Variants in NSD3 observed in about 807,000 individuals in gnomAD.
NSD3 encodes nuclear receptor binding SET domain protein 3.
In NSD3, 24 loss-of-function variants were observed where a neutral mutation model predicts 160.8. The observed-to-expected ratio is 0.15, with a 90% CI of 0.11 to 0.21. The LOEUF (loss-of-function observed/expected upper bound fraction) is 0.21. Among genes scored for constraint, NSD3 ranks in the 10% least tolerant of loss-of-function variants. The probability of loss-of-function intolerance (pLI) is 1.00; values close to 1 mark genes in which losing one functional copy is unlikely to be tolerated. For missense variants in NSD3, 1,157 were observed against 1,735.9 expected, an observed-to-expected ratio of 0.67 and a Z score of 5.93; for synonymous variants, 520 against 600.0, an observed-to-expected ratio of 0.87 and a Z score of 1.95.
rs1165926439 is a variant in NSD3 at position 38,338,415 on chromosome 8, T to C, written c.747+121A>G. On this transcript the variant is annotated intron_variant, in intron 3 of 23. Coordinates refer to ENST00000317025, the MANE Select transcript of NSD3 (RefSeq NM_023034.2). Reference sequence around the variant, plus strand: ...CCTATCAAACCAGCTCCAAGACTTATTTCAATATAATTTCTGAAATTAAGA... The same window carrying C: ...CCTATCAAACCAGCTCCAAGACTTACTTCAATATAATTTCTGAAATTAAGA... The C allele has an allele frequency of 3.7e-6, 3 of 801,732 alleles. No homozygotes were observed. In the East Asian group the frequency reaches 7.4e-5, roughly 20 times the overall value. The allele number at this position is 801,732 out of a possible 1,614,324, so 49.7% of individuals were successfully genotyped here. A position where few individuals can be genotyped will look rare whatever the true frequency, so the allele number is the denominator to read the frequency against.
intron 23 of NSD3, 113 bp from the exon 24 acceptor site, chr8:38,275,995 G>A: frequency 7.3e-6 from 7 of 958,578 alleles, no homozygotes; most frequent in Non-Finnish European, 1.1e-5. Flanking sequence ...GAATTCAATT[G>A]AATACAACTC....
intron 15 of NSD3, among the ~76,000 whole-genome samples, chr8:38,297,256 A>G (rs929677141): frequency 6.6e-6 from 1 of 152,234 alleles, no homozygotes; most frequent in African/African-American, 2.4e-5. Context: ...CTGGATTGAG[A>G]CCAAAACAGG....
At chr8:38,356,575 G>C (rs1392375642) in intron 1 of NSD3, among the ~76,000 whole-genome samples, 1 of 152,060 alleles carries the variant, frequency 6.6e-6, no homozygotes, top group Non-Finnish European at 1.5e-5. Context: ...GAGCAAGAGG[G>C]AGAAAGAAAG....
At chr8:38,330,478 C>T (rs905628149) in intron 5 of NSD3, among the ~76,000 whole-genome samples, 8 of 152,144 alleles carry the variant, frequency 5.3e-5, no homozygotes, top group African/African-American at 1.4e-4. Flanking sequence ...TTCCATAGGT[C>T]TCTAGGTCCA....
At chr8:38,350,128 T>C (rs576269672) in intron 1 of NSD3, among the ~76,000 whole-genome samples, 77 of 152,328 alleles carry the variant, frequency 5.1e-4, no homozygotes, top group African/African-American at 1.8e-3. Context: ...CTATTGTGAG[T>C]ACTGCCGCGA....
intron 14 of NSD3, among the ~76,000 whole-genome samples, chr8:38,302,172 G>A (rs1270669864): frequency 6.6e-6 from 1 of 152,170 alleles, no homozygotes; most frequent in Non-Finnish European, 1.5e-5. Context: ...AAATCTATGT[G>A]GAGGGAAAAA....
intron 14 of NSD3, among the ~76,000 whole-genome samples, chr8:38,301,544 C>T (rs1251966969): frequency 6.6e-6 from 1 of 152,086 alleles, no homozygotes; most frequent in Non-Finnish European, 1.5e-5. Context: ...TGCACCATTG[C>T]ACTCCAGCCT....
At position 38,316,785 on chromosome 8, in the gene NSD3, A is replaced by G; in HGVS notation, c.1856-743T>C. 9.4e-7 allele frequency: 1 copy of G among 1,060,648 alleles called. No homozygotes were observed. The highest frequency in any genetic ancestry group is 4.6e-5 in the South Asian group (1 of 21,936). The allele number at this position is 1,060,648 out of a possible 1,614,324, so 65.7% of individuals were successfully genotyped here. On this transcript the variant is annotated intron_variant, in intron 9 of 23. Transcript: ENST00000317025. The surrounding 1 kb of genome is among the most constrained non-coding windows in gnomAD (Gnocchi z 4.5). ...GTGCGGGAAGAAATAAATAGGAAAAAAAAGGCAGAGAATAGTGTGGAATTG... is the reference window on the plus strand; with the variant it reads ...GTGCGGGAAGAAATAAATAGGAAAAGAAAGGCAGAGAATAGTGTGGAATTG...
At chr8:38,299,304 G>T in intron 15 of NSD3, 140 bp downstream of exon 15, 1 of 812,618 alleles carries the variant, frequency 1.2e-6, no homozygotes, top group East Asian at 2.9e-5. Flanking sequence ...GCCATATGAA[G>T]AAACAGTCAC....
intron 1 of NSD3, among the ~76,000 whole-genome samples, chr8:38,360,987 A>C (rs1253510747): frequency 6.6e-6 from 1 of 152,246 alleles, no homozygotes; most frequent in Non-Finnish European, 1.5e-5. Context: ...ATAACGAAGC[A>C]AAAGCATAAG....
At chr8:38,290,128 A>C (rs916232741) in intron 17 of NSD3, among the ~76,000 whole-genome samples, 9 of 151,952 alleles carry the variant, frequency 5.9e-5, no homozygotes, top group African/African-American at 1.7e-4. Flanking sequence ...AGGCAAGAGG[A>C]TCACTTGAGC....
In NSD3 at chr8:38,329,866, G is replaced by A; in HGVS notation, c.1093C>T (p.Arg365Cys). The A allele has an allele frequency of 6.2e-7, 1 of 1,600,624 alleles. No homozygotes were observed. Among genetic ancestry groups the A allele is most frequent in the Non-Finnish European group, 8.5e-7 (1 of 1,173,714 alleles). The change falls in exon 6 of 24, where the codon CGT (arginine) becomes TGT (cysteine). Residue 365 changes from arginine to cysteine, a missense_variant. Around this residue, in one of 10 missense-constraint regions of NSD3, gnomAD observed 168 missense variants for 208.1 expected, o/e 0.81. Transcript: ENST00000317025. This position sits in a 1 kb window ranked among gnomAD's most constrained non-coding sequence, Gnocchi z 4.8. ...KIRKPRPQRE[R>C]AQWDIGIAHA... ...GCAATGCCAATATCCCACTGAGCAC[G>A]TTCTCTCTGAGGTCGGGGTTTCCGA...
chr8:38,312,940 G>T (rs1809568848), intron 12 of NSD3, among the ~76,000 whole-genome samples: 1 of 152,208 alleles, frequency 6.6e-6, no homozygotes, highest in East Asian at 1.9e-4. Flanking sequence ...TGACTGGAAT[G>T]ACTGAATTTT....
chr8:38,319,815 G>T lies in NSD3; in HGVS notation c.1810-875C>A, dbSNP rs578018330. 6.6e-6 allele frequency: 1 copy of T among 151,748 alleles called. No homozygotes were observed. The highest frequency in any genetic ancestry group is 2.4e-5 in the African/African-American group (1 of 41,330). The allele number at this position is 151,748 out of a possible 1,614,324, so 9.4% of individuals were successfully genotyped here. A position where few individuals can be genotyped will look rare whatever the true frequency, so the allele number is the denominator to read the frequency against. ...AGGTAAAAAAACATACAACAGAAAC[G>T]CTTTTATAAGATACAATTAGTAATA... On this transcript the variant is annotated intron_variant, in intron 8 of 23. Coordinates refer to ENST00000317025, the MANE Select transcript of NSD3 (RefSeq NM_023034.2). The surrounding 1 kb of genome is among the most constrained non-coding windows in gnomAD (Gnocchi z 4.1).
rs1409673804 is a variant in NSD3, at chr8:38,271,636, A to G, written c.*4005T>C. 1 of 152,258 alleles carries G rather than the reference A, an allele frequency of 6.6e-6. No homozygotes were observed. The highest frequency in any genetic ancestry group is 1.5e-5 in the Non-Finnish European group (1 of 68,044). The allele number at this position is 152,258 out of a possible 1,614,324, so 9.4% of individuals were successfully genotyped here. On this transcript the variant is annotated 3_prime_UTR_variant, in exon 24 of 24. Transcript: ENST00000317025. ...TCTAGGTGGCCCTAGGCCAAAGGAA[A>G]GTGTTTCCATTCATCAATTCATGTC...
chr8:38,317,835 A>G lies in NSD3; in HGVS notation c.1855+1060T>C. ...GAAGAAACCAGGCAGGAAAATGCCA[A>G]TAATGATGATTGGCGAAATCAAAAT... On this transcript the variant is annotated intron_variant, in intron 9 of 23. Transcript: ENST00000317025. This position sits in a 1 kb window ranked among gnomAD's most constrained non-coding sequence, Gnocchi z 5.3. The G allele has an allele frequency of 6.6e-7, 1 of 1,508,856 alleles. No homozygotes were observed. The highest frequency in any genetic ancestry group is 8.9e-7 in the Non-Finnish European group (1 of 1,128,386). The allele number at this position is 1,508,856 out of a possible 1,614,324, so 93.5% of individuals were successfully genotyped here.
In NSD3 at chr8:38,284,606, C is replaced by T. The variant is rs117085201; in HGVS notation, c.3502-3023G>A. The stretch of plus-strand genomic sequence containing the variant: ...TTCACTATGTTGGTCAGGCTGGTCT[C>T]GAACTCGTAATCTCAAATGATCCAC... On this transcript the variant is annotated intron_variant, in intron 19 of 23. Coordinates refer to ENST00000317025, the MANE Select transcript of NSD3 (RefSeq NM_023034.2). 4.1e-4 allele frequency among the ~76,000 whole-genome samples: 63 copies of T among 152,230 alleles called. No homozygotes were observed. The East Asian group carries it at 0.01, about 24-fold the overall frequency.
chr8:38,348,037 G>C lies in NSD3; in HGVS notation c.135C>G (p.Gly45=). The part of the protein sequence containing the change: ...DNNSDIAEDG[G]QTPYEATLQQ... Reference sequence around the variant, plus strand: ...GCAAAGTAGCTTCATATGGTGTCTGGCCACCATCTTCAGCAATGTCACTGT... The same window carrying C: ...GCAAAGTAGCTTCATATGGTGTCTGCCCACCATCTTCAGCAATGTCACTGT... The change falls in exon 2 of 24, where the codon GGC becomes GGG. Residue 45 remains glycine, a synonymous_variant. Transcript: ENST00000317025. 6.2e-7 allele frequency: 1 copy of C among 1,614,164 alleles called. No individual in the cohort carries two copies. Among genetic ancestry groups the C allele is most frequent in the South Asian group, 1.1e-5 (1 of 91,076 alleles).
intron 15 of NSD3, among the ~76,000 whole-genome samples, chr8:38,297,939 T>C (rs1006939926): frequency 3.9e-5 from 6 of 152,146 alleles, no homozygotes; most frequent in Non-Finnish European, 8.8e-5. Flanking sequence ...TTTAACATTA[T>C]GGAATAGTTC....
Sources: gnomAD v4.1 joint callset for allele counts (sites outside exome capture counted in the v4.1 genomes callset) on GRCh38, gnomAD v4.1.1 for gene constraint, gnomAD v4.1.1 regional missense constraint, Gnocchi (gnomAD v3.1) non-coding constraint, MANE v1.5 for transcripts, NCBI Gene and HGNC (gene_info 2026-07-23, HGNC 2026-07-21) for gene names.